ADAMTS3: variants seen among roughly 807,000 people sequenced by gnomAD.
ADAMTS3 encodes the protein ADAM metallopeptidase with thrombospondin type 1 motif 3, also known as A disintegrin and metalloproteinase with thrombospondin motifs 3.
In ADAMTS3, 73 loss-of-function variants were observed where a neutral mutation model predicts 129.0. That is an observed-to-expected ratio of 0.57 (90% CI 0.47 to 0.69). The LOEUF is 0.69. ADAMTS3 is among the 30% of genes least tolerant of loss of function. ADAMTS3 has a pLI of 0.00. For missense variants in ADAMTS3, 1,457 were observed against 1,514.5 expected (o/e 0.96, Z 0.63); for synonymous variants, 477 against 510.8 (o/e 0.93, Z 0.89).
intron 3 of ADAMTS3, among the ~76,000 whole-genome samples, chr4:72,543,026 A>G (rs1471643389): frequency 1.3e-5 from 2 of 152,214 alleles, no homozygotes; most frequent in Admixed American, 6.5e-5. Flanking sequence ...TCTCAATTTC[A>G]AAATAGGATT....
At chr4:72,532,674 C>A (rs949428071) in intron 3 of ADAMTS3, among the ~76,000 whole-genome samples, 1 of 152,006 alleles carries the variant, frequency 6.6e-6, no homozygotes, top group African/African-American at 2.4e-5. Context: ...CATAGTGTAT[C>A]CTACTACATA....
chr4:72,303,979 T>C lies in ADAMTS3; in HGVS notation c.2362A>G (p.Ile788Val), dbSNP rs1719020263. The C allele has an allele frequency of 2.5e-6, 4 of 1,613,682 alleles. No homozygotes were observed. The highest frequency in any genetic ancestry group is 1.3e-5 in the African/African-American group (1 of 74,900). The change falls in exon 17 of 22, where the codon ATT (isoleucine) becomes GTT (valine). Residue 788 changes from isoleucine to valine, a missense_variant. Physicochemically the swap from Ile to Val is conservative, Grantham distance 29. Coordinates refer to ENST00000286657, the MANE Select transcript of ADAMTS3 (RefSeq NM_014243.3). ...TGAAGACTTTCAATGTCATCTTCAA[T>C]GTTATAATCCCACTCCACACCAAGA... ...IDLGVEWDYN[I>V]EDDIESLHTD...
At chr4:72,504,941 A>C (rs1444315571) in intron 3 of ADAMTS3, among the ~76,000 whole-genome samples, 1 of 152,150 alleles carries the variant, frequency 6.6e-6, no homozygotes, top group Non-Finnish European at 1.5e-5. Context: ...TAAGATGTTT[A>C]TCTCTCCCTT....
Position 72,288,736 on chromosome 4 carries a change from T to C in ADAMTS3, c.3049+15A>G. 1 of 1,529,456 alleles carries C rather than the reference T, an allele frequency of 6.5e-7. No individual in the cohort carries two copies. The highest frequency in any genetic ancestry group is 9.1e-7 in the Non-Finnish European group (1 of 1,103,176). The allele number at this position is 1,529,456 out of a possible 1,614,324, so 94.7% of individuals were successfully genotyped here. A position where few individuals can be genotyped will look rare whatever the true frequency, so the allele number is the denominator to read the frequency against. The stretch of plus-strand genomic sequence containing the variant: ...AAAACATCAGAGCAGTGAAGTCAAT[T>C]GGTGTGACACCTACCATTACAAGGA... On this transcript the variant is annotated intron_variant, in intron 21 of 21. Coordinates refer to ENST00000286657, the MANE Select transcript of ADAMTS3 (RefSeq NM_014243.3).
intron 4 of ADAMTS3, among the ~76,000 whole-genome samples, chr4:72,379,807 A>T (rs1399710931): frequency 6.6e-6 from 1 of 152,158 alleles, no homozygotes; most frequent in Non-Finnish European, 1.5e-5. Context: ...TAAGGACCAA[A>T]TGAAGTAGTG....
At chr4:72,446,272 G>A (rs1366016941) in intron 3 of ADAMTS3, among the ~76,000 whole-genome samples, 1 of 151,678 alleles carries the variant, frequency 6.6e-6, no homozygotes, top group Admixed American at 6.6e-5. Context: ...AAAAAGTCTT[G>A]CAAACATCTT....
intron 4 of ADAMTS3, among the ~76,000 whole-genome samples, chr4:72,343,763 A>G (rs1227762390): frequency 6.6e-6 from 1 of 152,150 alleles, no homozygotes; most frequent in African/African-American, 2.4e-5. Context: ...TCAAAAGGAA[A>G]AAAAAGGCCC....
At chr4:72,288,169 T>G (rs1027827416) in intron 21 of ADAMTS3, among the ~76,000 whole-genome samples, 3 of 152,120 alleles carry the variant, frequency 2.0e-5, no homozygotes, top group African/African-American at 7.2e-5. Context: ...CCTGGCCCCA[T>G]TTTGCTGTTT....
At chr4:72,478,643 T>C (rs1719318746) in intron 3 of ADAMTS3, among the ~76,000 whole-genome samples, 1 of 149,310 alleles carries the variant, frequency 6.7e-6, no homozygotes, top group South Asian at 2.1e-4. Context: ...AAGACAGGGA[T>C]GCCCTCTCTC....
chr4:72,522,151 C>T (rs904623992), intron 3 of ADAMTS3, among the ~76,000 whole-genome samples: 4 of 152,064 alleles, frequency 2.6e-5, no homozygotes, highest in Admixed American at 6.5e-5. Context: ...ACAATCAAAT[C>T]GGAAATGGTA....
At chr4:72,434,649 G>T (rs1471729734) in intron 3 of ADAMTS3, among the ~76,000 whole-genome samples, 1 of 151,840 alleles carries the variant, frequency 6.6e-6, no homozygotes, top group Non-Finnish European at 1.5e-5. Context: ...TCATGCCCAT[G>T]ATTAGGTTAC....
chr4:72,550,059 AAGAGGAAGAGGAAGAGGAAGAG>A (rs1721599017), intron 2 of ADAMTS3, among the ~76,000 whole-genome samples: 2 of 15,610 alleles, frequency 1.3e-4, no homozygotes, highest in Non-Finnish European at 2.8e-4. Flanking sequence ...GAGGAAGAGG[AAGAGGAAGAGGAAGAGGAAGAG>A]GAAGAAGAAG....
In ADAMTS3 at chr4:72,319,384, G is replaced by A. The variant is rs993419158; in HGVS notation, c.1300C>T (p.His434Tyr). The change falls in exon 9 of 22, where the codon CAT (histidine) becomes TAT (tyrosine). Residue 434 changes from histidine (H) to tyrosine (Y), a missense_variant. Transcript: ENST00000286657. ...CTGCATCGGGACCAGTGGTAACGATGGAATGCTGCTTGTACCAAGGGAGCC... is the reference window on the plus strand; with the variant it reads ...CTGCATCGGGACCAGTGGTAACGATAGAATGCTGCTTGTACCAAGGGAGCC... ...VMAPLVQAAF[H>Y]RYHWSRCSGQ... 4.3e-6 allele frequency: 7 copies of A among 1,613,884 alleles called. No individual in the cohort carries two copies. The highest frequency in any genetic ancestry group is 5.9e-6 in the Non-Finnish European group (7 of 1,179,934).
chr4:72,501,028 G>A (rs1402784992), intron 3 of ADAMTS3, among the ~76,000 whole-genome samples: 1 of 152,098 alleles, frequency 6.6e-6, no homozygotes, highest in African/African-American at 2.4e-5. Flanking sequence ...TTATTGTATA[G>A]TTTGAGGTCA....
intron 3 of ADAMTS3, among the ~76,000 whole-genome samples, chr4:72,503,152 A>G (rs1386597039): frequency 6.6e-6 from 1 of 151,886 alleles, no homozygotes. Flanking sequence ...CCTCCCAAGT[A>G]GCTGGGATTA....
Position 72,530,433 on chromosome 4 carries a change from TATGTTA to T in ADAMTS3, c.504+18039_504+18044del, listed in dbSNP as rs1250051751. Among the ~76,000 whole-genome samples, 791 of 85,780 alleles carry T rather than the reference TATGTTA, an allele frequency of 9.2e-3. 9 individuals are homozygous for T. Among genetic ancestry groups the T allele is most frequent in the South Asian group, 0.056 (143 of 2,572 alleles). 56.3% of individuals were successfully genotyped at this position (85,780 alleles called of 152,430 possible). ...ATATATAATATATATTAAATTAATATATGTTAATTTAATATATATTATATATTAAAT... is the reference window on the plus strand; with the variant it reads ...ATATATAATATATATTAAATTAATATATTTAATATATATTATATATTAAAT... On this transcript the variant is annotated intron_variant, in intron 3 of 21. Coordinates refer to ENST00000286657, the MANE Select transcript of ADAMTS3 (RefSeq NM_014243.3).
intron 6 of ADAMTS3, among the ~76,000 whole-genome samples, chr4:72,322,295 C>T (rs1010734854): frequency 2.6e-5 from 4 of 152,036 alleles, no homozygotes; most frequent in African/African-American, 7.2e-5. Flanking sequence ...TGTACAACTT[C>T]GTTAATATTT....
intron 4 of ADAMTS3, among the ~76,000 whole-genome samples, chr4:72,351,759 C>T (rs1047434514): frequency 1.3e-5 from 2 of 151,876 alleles, no homozygotes; most frequent in Non-Finnish European, 2.9e-5. Flanking sequence ...ACATGGATAT[C>T]ACCTTACAGT....
intron 16 of ADAMTS3, among the ~76,000 whole-genome samples, 175 bp from the exon 17 acceptor site, chr4:72,304,255 C>A (rs1057171377): frequency 6.6e-6 from 1 of 152,018 alleles, no homozygotes; most frequent in Non-Finnish European, 1.5e-5. Context: ...ATTAGGCATT[C>A]AAAACTCTCA....
Sources: gnomAD v4.1 joint callset for allele counts (sites outside exome capture counted in the v4.1 genomes callset) on GRCh38, gnomAD v4.1.1 for gene constraint, MANE v1.5 for transcripts, NCBI Gene and HGNC (gene_info 2026-07-23, HGNC 2026-07-21) for gene names.